Variants in GANAB observed in about 807,000 individuals in gnomAD.
The protein encoded by GANAB is neutral alpha-glucosidase AB.
GANAB carries 35 observed loss-of-function variants against 129.9 expected under a neutral mutation model. The observed-to-expected ratio is 0.27, with a 90% CI of 0.21 to 0.36. The LOEUF is 0.36. Ranked by LOEUF, GANAB falls within the 10% of genes least tolerant of loss-of-function variation. GANAB has a pLI of 1.00. For missense variants in GANAB, 939 were observed against 1,221.0 expected, an observed-to-expected ratio of 0.77 and a Z score of 3.44; for synonymous variants, 482 against 451.8, an observed-to-expected ratio of 1.07 and a Z score of -0.85.
At chr11:62,638,931 T>C in intron 4 of GANAB, 52 bp downstream of exon 4, 3 of 1,595,800 alleles carry the variant, frequency 1.9e-6, no homozygotes, top group Non-Finnish European at 1.7e-6. Flanking sequence ...AAAAGGTTCA[T>C]CAGGAAGGAG....
intron 4 of GANAB, 61 bp from the exon 5 acceptor site, chr11:62,635,061 T>C (rs1943883273): frequency 8.2e-7 from 1 of 1,220,188 alleles, no homozygotes; most frequent in Non-Finnish European, 1.2e-6. Flanking sequence ...GTAATGACAC[T>C]TTAGAAGACC....
intron 10 of GANAB, 43 bp from the exon 11 acceptor site, chr11:62,630,879 C>T (rs1407651905): frequency 3.2e-6 from 5 of 1,548,392 alleles, no homozygotes; most frequent in Non-Finnish European, 4.4e-6. Context: ...AGGATCAGGC[C>T]CAACACCCAG....
Position 62,639,037 on chromosome 11 carries a change from C to T in GANAB, c.326G>A (p.Arg109Gln), listed in dbSNP as rs769911576. The change falls in exon 4 of 24, where the codon CGG becomes CAG. Residue 109 changes from arginine (R) to glutamine (Q), a missense_variant. Coordinates refer to ENST00000356638, the MANE Select transcript of GANAB (RefSeq NM_198334.3). ...TRFRIDELEP[R>Q]RPRYRVPDVL... is the part of the protein sequence containing the mutation. ...ATCTGGTACACGGTATCGGGGTCGC[C>T]GAGGCTCCAGCTCATCAATCCTGAA... The T allele has an allele frequency of 1.2e-5, 19 of 1,613,762 alleles. No homozygotes were observed. Among genetic ancestry groups the T allele is most frequent in the Non-Finnish European group, 1.3e-5 (15 of 1,179,970 alleles).
At chr11:62,642,282 T>C (rs1419887462) in intron 1 of GANAB, among the ~76,000 whole-genome samples, 1 of 152,090 alleles carries the variant, frequency 6.6e-6, no homozygotes, top group Non-Finnish European at 1.5e-5. Flanking sequence ...CTTAAACTCC[T>C]GGGCTCAAGC....
intron 9 of GANAB, 148 bp from the exon 10 acceptor site, chr11:62,631,331 G>A: frequency 1.5e-6 from 1 of 649,122 alleles, no homozygotes; most frequent in Non-Finnish European, 2.6e-6. Context: ...CCTCTTCAGT[G>A]AGGCTTTCCT....
chr11:62,634,241 C>CG, intron 5 of GANAB: 1 of 1,057,518 alleles, frequency 9.5e-7, no homozygotes, highest in East Asian at 2.4e-5. Flanking sequence ...GGCACCTCCC[C>CG]CCAAAGGCTA....
chr11:62,633,192 T>C lies in GANAB; in HGVS notation c.710A>G (p.Lys237Arg), dbSNP rs767458128. 8.7e-6 allele frequency: 14 copies of C among 1,613,870 alleles called. 1 individual carries two copies. Among genetic ancestry groups the C allele is most frequent in the Non-Finnish European group, 1.2e-5 (14 of 1,179,782 alleles). ...GAACCCGAGCCCCTCACCATACGGCTTGCTGTCAGAGTGAGTTTTGAATGT... is the reference window on the plus strand; with the variant it reads ...GAACCCGAGCCCCTCACCATACGGCCTGCTGTCAGAGTGAGTTTTGAATGT... ...EETFKTHSDS[K>R]PYGPMSVGLD... is the part of the protein sequence containing the mutation. The change falls in exon 7 of 24, where the codon AAG becomes AGG. Residue 237 changes from lysine (K) to arginine (R), a missense_variant. This residue lies in a region of GANAB where 321 missense variants were observed against 329.1 expected (regional missense o/e 0.98). Transcript: ENST00000356638.
In GANAB at chr11:62,634,920, C is replaced by A. The variant is rs142226736; in HGVS notation, c.461G>T (p.Arg154Leu). ...EGPYKIILTARPFRLDLLEDR... is the reference protein window; with the variant it reads ...EGPYKIILTALPFRLDLLEDR... ...CTCTAGTAGGTCAAGGCGGAATGGCCGTGCTGTCAAGATGATCTTGTAGGG... is the reference window on the plus strand; with the variant it reads ...CTCTAGTAGGTCAAGGCGGAATGGCAGTGCTGTCAAGATGATCTTGTAGGG... The change falls in exon 5 of 24, where the codon CGG becomes CTG. Residue 154 changes from arginine to leucine, a missense_variant. This residue lies in a region of GANAB where 321 missense variants were observed against 329.1 expected (regional missense o/e 0.98). Coordinates refer to ENST00000356638, the MANE Select transcript of GANAB (RefSeq NM_198334.3). The A allele has an allele frequency of 2.5e-6, 4 of 1,613,456 alleles. No homozygotes were observed. The highest frequency in any genetic ancestry group is 3.4e-6 in the Non-Finnish European group (4 of 1,179,526).
intron 17 of GANAB, among the ~76,000 whole-genome samples, chr11:62,627,932 T>C (rs1216035978): frequency 1.3e-5 from 2 of 152,202 alleles, no homozygotes; most frequent in Non-Finnish European, 1.5e-5. Flanking sequence ...TCCTTGCATG[T>C]TTCACCGCCC....
At chr11:62,632,520 C>CT in intron 9 of GANAB, 45 bp downstream of exon 9, 23 of 1,511,778 alleles carry the variant, frequency 1.5e-5, no homozygotes, top group Non-Finnish European at 2.1e-5. Context: ...GCCTCAAGGC[C>CT]TGGAAGCTTC....
At chr11:62,626,969 C>A (rs760496643) in intron 19 of GANAB, 35 bp from the exon 20 acceptor site, 1 of 1,585,406 alleles carries the variant, frequency 6.3e-7, no homozygotes, top group South Asian at 1.1e-5. Context: ...TACCGGATCA[C>A]TCAGTGCACA....
rs144598794 is a variant in GANAB at position 62,626,637 on chromosome 11, T to A, written c.2445A>T (p.Arg815=). ...TCATACATTCTGAAGACCGCCGCAC[T>A]CGCATCCATCGAGGCACGATTGTCC... ...RGGTIVPRWM[R]VRRSSECMKD... is the part of the protein sequence containing the mutation. The change falls in exon 21 of 24, where the codon CGA becomes CGT. Residue 815 remains arginine (R), a synonymous_variant. Coordinates refer to ENST00000356638, the MANE Select transcript of GANAB (RefSeq NM_198334.3). 1.2e-6 allele frequency: 2 copies of A among 1,612,158 alleles called. No individual in the cohort carries two copies. Among genetic ancestry groups the A allele is most frequent in the Non-Finnish European group, 1.7e-6 (2 of 1,178,996 alleles).
rs1336366430 is a variant in GANAB, at chr11:62,626,462, G to A, written c.2512-15C>T. The A allele has an allele frequency of 6.4e-7, 1 of 1,573,094 alleles. No homozygotes were observed. The highest frequency in any genetic ancestry group is 8.8e-7 in the Non-Finnish European group (1 of 1,142,652). On this transcript the variant is annotated splice_polypyrimidine_tract_variant and intron_variant, in intron 21 of 23. Coordinates refer to ENST00000356638, the MANE Select transcript of GANAB (RefSeq NM_198334.3). Reference sequence around the variant, plus strand: ...TGAGCTGTACCCTGAGCAAGAAGTGGGATAGGTGAGCGCCTGAGCCCAAGA... The same window carrying A: ...TGAGCTGTACCCTGAGCAAGAAGTGAGATAGGTGAGCGCCTGAGCCCAAGA...
chr11:62,639,048 C>A lies in GANAB; in HGVS notation c.315G>T (p.Glu105Asp), dbSNP rs762279535. 2 of 1,613,874 alleles carry A rather than the reference C, an allele frequency of 1.2e-6. No individual in the cohort carries two copies. The highest frequency in any genetic ancestry group is 1.7e-6 in the Non-Finnish European group (2 of 1,179,928). ...QKNMTRFRIDELEPRRPRYRV... is the reference protein window; with the variant it reads ...QKNMTRFRIDDLEPRRPRYRV... ...GGTATCGGGGTCGCCGAGGCTCCAG[C>A]TCATCAATCCTGAACCGAGTCATGT... The change falls in exon 4 of 24, where the codon GAG becomes GAT. Residue 105 changes from glutamate to aspartate, a missense_variant. Around this residue, in one of 5 missense-constraint regions of GANAB, gnomAD observed 321 missense variants for 329.1 expected, o/e 0.98. Coordinates refer to ENST00000356638, the MANE Select transcript of GANAB (RefSeq NM_198334.3).
intron 15 of GANAB, 72 bp from the exon 16 acceptor site, chr11:62,629,367 C>A (rs974626753): frequency 5.3e-5 from 58 of 1,084,224 alleles, no homozygotes; most frequent in Middle Eastern, 2.0e-4. Flanking sequence ...TGACCTCCCA[C>A]ATCCGCTCTG....
intron 14 of GANAB, 40 bp from the exon 15 acceptor site, chr11:62,629,724 G>A: frequency 1.2e-6 from 2 of 1,603,860 alleles, no homozygotes; most frequent in African/African-American, 2.7e-5. Context: ...AGGAGCAAAA[G>A]CCAGCTGTCA....
chr11:62,638,585 AGG>A (rs1944058030), intron 4 of GANAB, among the ~76,000 whole-genome samples: 3 of 72 alleles, frequency 0.042, no homozygotes, highest in African/African-American at 0.12. Flanking sequence ...GAAAGGAGGA[AGG>A]AAGGAAGGAA....
At chr11:62,629,996 G>A (rs1422885820) in intron 13 of GANAB, 39 bp from the exon 14 acceptor site, 4 of 1,605,406 alleles carry the variant, frequency 2.5e-6, no homozygotes, top group Non-Finnish European at 2.6e-6. Flanking sequence ...GAAGGACAGA[G>A]GGGAGGAAGA....
At chr11:62,641,752 G>C (rs964519628) in intron 1 of GANAB, among the ~76,000 whole-genome samples, 4 of 141,192 alleles carry the variant, frequency 2.8e-5, no homozygotes, top group Admixed American at 2.8e-4. Context: ...GCTAATTTTT[G>C]TATTTTTGGT....
Sources: gnomAD v4.1 joint callset for allele counts (sites outside exome capture counted in the v4.1 genomes callset) on GRCh38, gnomAD v4.1.1 for gene constraint, gnomAD v4.1.1 regional missense constraint, MANE v1.5 for transcripts, NCBI Gene and HGNC (gene_info 2026-07-23, HGNC 2026-07-21) for gene names.